The following TECRL variants were observed in gnomAD, a reference collection of about 807,000 sequenced individuals.
TECRL encodes the protein trans-2,3-enoyl-CoA reductase like.
TECRL carries 63 observed loss-of-function variants against 52.8 expected under a neutral mutation model. The ratio of observed to expected loss-of-function variants is 1.19; its 90% CI spans 0.97 to 1.47. The LOEUF (loss-of-function observed/expected upper bound fraction) is 1.47. Among genes scored for constraint, TECRL ranks in the 40% most tolerant of loss-of-function variants. TECRL has a pLI of 0.00. For missense variants in TECRL, 482 were observed against 429.6 expected, an observed-to-expected ratio of 1.12 and a Z score of -1.08; for synonymous variants, 164 against 141.9, an observed-to-expected ratio of 1.16 and a Z score of -1.10.
At chr4:64,393,511 T>G (rs1723698564) in intron 1 of TECRL, among the ~76,000 whole-genome samples, 1 of 152,042 alleles carries the variant, frequency 6.6e-6, no homozygotes, top group Non-Finnish European at 1.5e-5. Context: ...AAATTCCTCC[T>G]TGTAAGAGGA....
At chr4:64,331,695 T>G (rs1374749871) in intron 2 of TECRL, among the ~76,000 whole-genome samples, 6 of 151,984 alleles carry the variant, frequency 3.9e-5, no homozygotes, top group South Asian at 2.1e-4. Flanking sequence ...CAAATAAAAT[T>G]TATTGAAATA....
rs1008428048 is a variant in TECRL, at chr4:64,277,923, T to C, written c.*2149A>G. 10 of 151,746 alleles carry C rather than the reference T, an allele frequency of 6.6e-5. No homozygotes were observed. Among genetic ancestry groups the C allele is most frequent in the Middle Eastern group, 6.3e-3 (2 of 316 alleles). The allele number at this position is 151,746 out of a possible 1,614,324, so 9.4% of individuals were successfully genotyped here. ...ACACACACATGCACATAGGCTTTCATAGAAGATAGGTATTTAAAGATGTAA... is the reference window on the plus strand; with the variant it reads ...ACACACACATGCACATAGGCTTTCACAGAAGATAGGTATTTAAAGATGTAA... On this transcript the variant is annotated 3_prime_UTR_variant, in exon 12 of 12. Transcript: ENST00000381210.
chr4:64,376,428 T>C (rs1462286779), intron 1 of TECRL, among the ~76,000 whole-genome samples: 1 of 151,970 alleles, frequency 6.6e-6, no homozygotes, highest in African/African-American at 2.4e-5. Flanking sequence ...CTCTGAAAGA[T>C]GTTAGAAAAA....
intron 1 of TECRL, 56 bp downstream of exon 1, chr4:64,409,061 TG>T (rs1438831509): frequency 7.3e-7 from 1 of 1,367,026 alleles, no homozygotes; most frequent in African/African-American, 1.5e-5. Context: ...CAATAATATT[TG>T]GGGCAGAGAA....
intron 1 of TECRL, among the ~76,000 whole-genome samples, chr4:64,389,111 T>C (rs191056105): frequency 6.6e-6 from 1 of 151,954 alleles, no homozygotes; most frequent in Non-Finnish European, 1.5e-5. Flanking sequence ...GTAAACTCTT[T>C]ATTTCCTTTT....
In TECRL at chr4:64,364,864, T is replaced by TC. The variant is rs543808588; in HGVS notation, c.286+10307_286+10308insG. On this transcript the variant is annotated intron_variant, in intron 2 of 11. Transcript: ENST00000381210. ...GGCACCAGTGCTACTAAAACTATTT[T>TC]TTTTTCATTGAGGAAGAAGGACTCC... Among the ~76,000 whole-genome samples, 166 of 141,478 alleles carry TC rather than the reference T, an allele frequency of 1.2e-3. 1 individual carries two copies. In the East Asian group the frequency reaches 0.032, roughly 27 times the overall value. The allele number at this position is 141,478 out of a possible 152,430, so 92.8% of individuals were successfully genotyped here.
chr4:64,319,044 A>G (rs1219364767), intron 4 of TECRL, among the ~76,000 whole-genome samples: 1 of 151,894 alleles, frequency 6.6e-6, no homozygotes, highest in Non-Finnish European at 1.5e-5. Context: ...TTTATGAAAT[A>G]TTTTTACCTT....
At position 64,390,627 on chromosome 4, in the gene TECRL, T is replaced by G. The variant is rs1723485886; in HGVS notation, c.235-15404A>C. Among the ~76,000 whole-genome samples the G allele has an allele frequency of 2.0e-5, 3 of 151,806 alleles. No homozygotes were observed. The Admixed American group carries it at 2.0e-4, about 10-fold the overall frequency. On this transcript the variant is annotated intron_variant, in intron 1 of 11. Coordinates refer to ENST00000381210, the MANE Select transcript of TECRL (RefSeq NM_001010874.5). ...TTTGTTATTGTACATTATTGATTAT[T>G]TGGAGTCATTGCTTACTTTAAACTG...
intron 4 of TECRL, among the ~76,000 whole-genome samples, chr4:64,322,343 C>T (rs1383851304): frequency 6.6e-6 from 1 of 151,438 alleles, no homozygotes; most frequent in Non-Finnish European, 1.5e-5. Flanking sequence ...CTTGGCAATA[C>T]TTGTCATCAC....
chr4:64,360,250 C>T (rs866201980), intron 2 of TECRL, among the ~76,000 whole-genome samples: 1 of 33,902 alleles, frequency 2.9e-5, no homozygotes, highest in Non-Finnish European at 9.6e-5. Context: ...TGGGAGATAC[C>T]CACTTAATTT....
At chr4:64,374,560 G>T (rs908795531) in intron 2 of TECRL, among the ~76,000 whole-genome samples, 2 of 146,048 alleles carry the variant, frequency 1.4e-5, no homozygotes, top group Admixed American at 1.4e-4. Context: ...ATCCCTCCCC[G>T]CTCCCCCCAC....
At chr4:64,323,522 A>G (rs1166648327) in intron 3 of TECRL, among the ~76,000 whole-genome samples, 1 of 152,176 alleles carries the variant, frequency 6.6e-6, no homozygotes, top group Admixed American at 6.6e-5. Context: ...GTCCCTCCAA[A>G]GCACCGGGAG....
intron 2 of TECRL, among the ~76,000 whole-genome samples, chr4:64,334,249 T>A (rs2110058369): frequency 6.6e-6 from 1 of 152,226 alleles, no homozygotes; most frequent in East Asian, 1.9e-4. Context: ...AGATATTGGC[T>A]GCTGATTTAA....
chr4:64,283,561 T>A (rs4860588), intron 9 of TECRL, among the ~76,000 whole-genome samples: 147,160 of 152,128 alleles, frequency 0.97, 71,200 homozygotes, highest in East Asian at 1. Flanking sequence ...TGGGACTGAA[T>A]GGCTCAACAA....
chr4:64,364,508 G>T (rs1213726218), intron 2 of TECRL, among the ~76,000 whole-genome samples: 1 of 151,848 alleles, frequency 6.6e-6, no homozygotes, highest in African/African-American at 2.4e-5. Context: ...TTGATAGATG[G>T]CTAGCTAGAT....
chr4:64,401,350 T>G (rs1220652820), intron 1 of TECRL, among the ~76,000 whole-genome samples: 1 of 152,180 alleles, frequency 6.6e-6, no homozygotes, highest in Non-Finnish European at 1.5e-5. Flanking sequence ...ATTACTTTCC[T>G]GCCTCTTTTT....
chr4:64,357,014 CA>C (rs1449231112), intron 2 of TECRL, among the ~76,000 whole-genome samples: 1 of 152,048 alleles, frequency 6.6e-6, no homozygotes, highest in Non-Finnish European at 1.5e-5. Context: ...TATTTTATGA[CA>C]ATGTTCTACC....
At chr4:64,310,059 A>G (rs1724581132) in intron 5 of TECRL, 128 bp from the exon 6 acceptor site, 1 of 556,752 alleles carries the variant, frequency 1.8e-6, no homozygotes, top group Non-Finnish European at 3.2e-6. Flanking sequence ...TGGTAGCTAA[A>G]ACACAAATAC....
At chr4:64,376,556 T>C (rs1459175815) in intron 1 of TECRL, among the ~76,000 whole-genome samples, 2 of 151,946 alleles carry the variant, frequency 1.3e-5, no homozygotes, top group African/African-American at 4.8e-5. Flanking sequence ...GTTTTAACAG[T>C]GTCCGTTGTT....
Sources: gnomAD v4.1 joint callset for allele counts (sites outside exome capture counted in the v4.1 genomes callset) on GRCh38, gnomAD v4.1.1 for gene constraint, MANE v1.5 for transcripts, NCBI Gene and HGNC (gene_info 2026-07-23, HGNC 2026-07-21) for gene names.